The following GPHN variants were observed in gnomAD, a reference collection of about 807,000 sequenced individuals.
GPHN encodes gephyrin.
A neutral mutation model predicts 95.5 loss-of-function variants in GPHN; 17 were observed. The ratio of observed to expected loss-of-function variants is 0.18; its 90% CI spans 0.12 to 0.27. The LOEUF (loss-of-function observed/expected upper bound fraction) is 0.27. Ranked by LOEUF, GPHN falls within the 10% of genes least tolerant of loss-of-function variation. The probability of loss-of-function intolerance (pLI) is 1.00; values close to 1 mark genes in which losing one functional copy is unlikely to be tolerated. For synonymous variants in GPHN, 320 were observed against 322.5 expected (o/e 0.99, Z 0.08); for missense variants, 660 against 978.1 (o/e 0.67, Z 4.34).
rs149953500 is a variant in GPHN, at chr14:67,006,457, G to T, written c.964-17176G>T. On this transcript the variant is annotated intron_variant, in intron 9 of 22. Transcript: ENST00000478722. ...ACACTCAGCAATTAAATCTAATTCT[G>T]TTTGGGCTACCATGCTTAAATGTTC... 1.5e-3 allele frequency among the ~76,000 whole-genome samples: 232 copies of T among 152,188 alleles called. 3 individuals are homozygous for T. The East Asian group carries it at 0.033, about 22-fold the overall frequency.
intron 12 of GPHN, among the ~76,000 whole-genome samples, chr14:67,090,532 C>A (rs2077105821): frequency 6.6e-6 from 1 of 151,978 alleles, no homozygotes; most frequent in Non-Finnish European, 1.5e-5. Flanking sequence ...GGGTCCCATC[C>A]ACAAGATATC....
chr14:67,389,972 C>T, the GPHN span, among the ~76,000 whole-genome samples: 1 of 152,004 alleles, frequency 6.6e-6, no homozygotes, highest in African/African-American at 2.4e-5. Flanking sequence ...TGGGTCCAGG[C>T]AGGGGTTCCT....
intron 21 of GPHN, among the ~76,000 whole-genome samples, chr14:67,174,287 G>A (rs1232064310): frequency 7.0e-6 from 1 of 142,800 alleles, no homozygotes; most frequent in Non-Finnish European, 1.5e-5. Flanking sequence ...GTGTCCGTGT[G>A]TTCTCATTGT....
chr14:67,327,242 T>C, the GPHN span, among the ~76,000 whole-genome samples: 3 of 152,200 alleles, frequency 2.0e-5, no homozygotes, highest in Non-Finnish European at 1.5e-5. Flanking sequence ...AGTCTTTTTG[T>C]AGACCTATGT....
At chr14:67,289,741 G>A in the GPHN span, among the ~76,000 whole-genome samples, 1 of 150,730 alleles carries the variant, frequency 6.6e-6, no homozygotes, top group Admixed American at 6.6e-5. Flanking sequence ...TGACAAAAAG[G>A]CACATTGGGA....
At chr14:67,633,115 C>T in the GPHN span, among the ~76,000 whole-genome samples, 1 of 152,128 alleles carries the variant, frequency 6.6e-6, no homozygotes, top group Admixed American at 6.5e-5. Flanking sequence ...CCACTGCGCC[C>T]GGCCAAGCCT....
chr14:67,018,070 T>C (rs945263497), intron 9 of GPHN, among the ~76,000 whole-genome samples: 8 of 152,098 alleles, frequency 5.3e-5, no homozygotes, highest in African/African-American at 1.7e-4. Flanking sequence ...TGCAGTCTAC[T>C]TGGGGACTCA....
intron 3 of GPHN, among the ~76,000 whole-genome samples, chr14:66,786,548 T>C (rs1271693086): frequency 6.6e-6 from 1 of 152,070 alleles, no homozygotes; most frequent in East Asian, 1.9e-4. Flanking sequence ...TAGTATAATG[T>C]TGATACCAAA....
chr14:67,227,630 G>A, the GPHN span: 2 of 151,750 alleles, frequency 1.3e-5, no homozygotes, highest in Non-Finnish European at 2.9e-5. Context: ...AAAGTTATTT[G>A]GACTCTTATT....
At chr14:66,998,088 A>G (rs747724189) in intron 9 of GPHN, among the ~76,000 whole-genome samples, 4 of 152,164 alleles carry the variant, frequency 2.6e-5, no homozygotes, top group South Asian at 2.1e-4. Context: ...TACTTTCTCT[A>G]TGACAGCATG....
chr14:67,376,727 A>G, the GPHN span: 24,182 of 803,500 alleles, frequency 0.03, 467 homozygotes, highest in Middle Eastern at 0.046. Flanking sequence ...AAATGGGCCA[A>G]TCCTATATGG....
At chr14:67,391,271 A>ATGTGTGTGTGTGTGTGTG in the GPHN span, among the ~76,000 whole-genome samples, 25 of 143,910 alleles carry the variant, frequency 1.7e-4, 1 homozygote, top group Admixed American at 6.2e-4. Flanking sequence ...AGCAGCTGAT[A>ATGTGTGTGTGTGTGTGTG]TGTGTGTGTG....
At chr14:67,079,231 A>C (rs1045038440) in intron 11 of GPHN, among the ~76,000 whole-genome samples, 1 of 152,118 alleles carries the variant, frequency 6.6e-6, no homozygotes, top group Non-Finnish European at 1.5e-5. Context: ...CAAAGTATTC[A>C]GTGTTTTTAG....
chr14:67,170,808 GA>G (rs2082557020), intron 21 of GPHN, among the ~76,000 whole-genome samples: 1 of 152,170 alleles, frequency 6.6e-6, no homozygotes, highest in Non-Finnish European at 1.5e-5. Flanking sequence ...CATCAGTACT[GA>G]CACAACTGCC....
At chr14:67,420,545 C>T in the GPHN span, among the ~76,000 whole-genome samples, 9 of 152,288 alleles carry the variant, frequency 5.9e-5, no homozygotes, top group Admixed American at 3.9e-4. Context: ...TTCCCGAGAC[C>T]GGAAGCCTGG....
the GPHN span, among the ~76,000 whole-genome samples, chr14:67,213,606 A>T: frequency 1.3e-5 from 2 of 152,034 alleles, no homozygotes; most frequent in Non-Finnish European, 2.9e-5. Flanking sequence ...GCTATTGTGA[A>T]TAGTGCCACA....
chr14:67,697,483 A>G, the GPHN span, among the ~76,000 whole-genome samples: 4 of 152,264 alleles, frequency 2.6e-5, no homozygotes, highest in African/African-American at 9.6e-5. Flanking sequence ...AATGGCAATA[A>G]TAGCCAGTGC....
chr14:66,634,544 A>C (rs2063997376), intron 1 of GPHN, among the ~76,000 whole-genome samples: 1 of 152,092 alleles, frequency 6.6e-6, no homozygotes, highest in South Asian at 2.1e-4. Flanking sequence ...AGCCAATCTT[A>C]AGGTCCTAGG....
intron 4 of GPHN, chr14:66,842,820 T>A (rs1225751013): frequency 2.4e-5 from 19 of 798,974 alleles, no homozygotes; most frequent in Non-Finnish European, 3.4e-5. Flanking sequence ...ATTTTTCACA[T>A]CTGTTTAATT....
Sources: gnomAD v4.1 joint callset for allele counts (sites outside exome capture counted in the v4.1 genomes callset) on GRCh38, gnomAD v4.1.1 for gene constraint, MANE v1.5 for transcripts, NCBI Gene and HGNC (gene_info 2026-07-23, HGNC 2026-07-21) for gene names.